ELF2: variants seen among roughly 807,000 people sequenced by gnomAD.
ELF2 encodes the protein E74 like ETS transcription factor 2, also known as ETS-related transcription factor Elf-2.
ELF2 carries 11 observed loss-of-function variants against 54.8 expected under a neutral mutation model. The ratio of observed to expected loss-of-function variants is 0.20; its 90% CI spans 0.13 to 0.33. The LOEUF (loss-of-function observed/expected upper bound fraction) is 0.33. Ranked by LOEUF, ELF2 falls within the 10% of genes least tolerant of loss-of-function variation. ELF2 has a pLI of 1.00. For missense variants in ELF2, 513 were observed against 703.0 expected, an observed-to-expected ratio of 0.73 and a Z score of 3.06; for synonymous variants, 203 against 245.1, an observed-to-expected ratio of 0.83 and a Z score of 1.61.
At chr4:139,108,107 G>C (rs1034162816) in intron 4 of ELF2, among the ~76,000 whole-genome samples, 2 of 152,142 alleles carry the variant, frequency 1.3e-5, no homozygotes, top group East Asian at 3.8e-4. Flanking sequence ...TCGATGATAG[G>C]CTGTCATTAA....
At chr4:139,176,897 G>C (rs939963469) in intron 1 of ELF2, 70 bp downstream of exon 1, 1 of 151,374 alleles carries the variant, frequency 6.6e-6, no homozygotes, top group African/African-American at 2.4e-5. Flanking sequence ...GGCGGCAGTC[G>C]GGACAGCCAG....
In ELF2 at chr4:139,058,850, T is replaced by G; in HGVS notation, c.*133A>C. On this transcript the variant is annotated 3_prime_UTR_variant, in exon 10 of 10. Coordinates refer to ENST00000686138, the MANE Select transcript of ELF2 (RefSeq NM_001331036.3). ...CATGGGATAGGTAATTTATTTCCAG[T>G]AAGTCTGATTGTTTTTGTATATGCA... 7.9e-7 allele frequency: 1 copy of G among 1,269,694 alleles called. No homozygotes were observed. The highest frequency in any genetic ancestry group is 1.6e-5 in the South Asian group (1 of 62,290). 78.7% of individuals were successfully genotyped at this position (1,269,694 alleles called of 1,614,324 possible). A position where few individuals can be genotyped will look rare whatever the true frequency, so the allele number is the denominator to read the frequency against.
At chr4:139,074,725 A>C (rs910723598) in intron 4 of ELF2, among the ~76,000 whole-genome samples, 2 of 149,830 alleles carry the variant, frequency 1.3e-5, no homozygotes, top group African/African-American at 4.9e-5. Flanking sequence ...ACACCATTGC[A>C]CTCCAGCCTG....
intron 3 of ELF2, among the ~76,000 whole-genome samples, chr4:139,132,952 C>G (rs1170835878): frequency 1.3e-5 from 2 of 149,392 alleles, no homozygotes; most frequent in Non-Finnish European, 3.0e-5. Flanking sequence ...AGTGCAGTGG[C>G]GCAATCTCTG....
At chr4:139,067,172 T>C (rs1728827954) in intron 7 of ELF2, 1 of 151,136 alleles carries the variant, frequency 6.6e-6, no homozygotes, top group Non-Finnish European at 1.5e-5. Context: ...GTGCCTGTGG[T>C]CCCAGCAACT....
At chr4:139,134,092 T>A (rs969579030) in intron 3 of ELF2, among the ~76,000 whole-genome samples, 2 of 152,232 alleles carry the variant, frequency 1.3e-5, no homozygotes, top group South Asian at 4.1e-4. Context: ...ATGTTGGCTG[T>A]GGGTTTTTCA....
chr4:139,177,647 G>T (rs531632126), upstream of ELF2, among the ~76,000 whole-genome samples: 1 of 152,154 alleles, frequency 6.6e-6, no homozygotes, highest in Admixed American at 6.5e-5. Flanking sequence ...TGCCGCACGG[G>T]GCAGGCGTGT....
chr4:139,090,385 T>C (rs1401954830), intron 4 of ELF2, among the ~76,000 whole-genome samples: 7 of 152,196 alleles, frequency 4.6e-5, no homozygotes, highest in African/African-American at 1.7e-4. Context: ...AATTTTTCAT[T>C]GTTGTATTAA....
chr4:139,067,442 TC>T (rs1728869971), intron 7 of ELF2: 1 of 439,836 alleles, frequency 2.3e-6, no homozygotes, highest in Admixed American at 3.4e-5. Flanking sequence ...TTGGACTTTT[TC>T]CAAGTCCCTA....
At chr4:139,145,735 C>G (rs1030183784) in intron 1 of ELF2, among the ~76,000 whole-genome samples, 7 of 152,094 alleles carry the variant, frequency 4.6e-5, no homozygotes, top group Non-Finnish European at 7.4e-5. Context: ...GATGGTTTAA[C>G]ATATGCAAGT....
intron 1 of ELF2, among the ~76,000 whole-genome samples, chr4:139,173,619 G>A (rs948667792): frequency 4.0e-5 from 6 of 151,458 alleles, no homozygotes; most frequent in African/African-American, 9.7e-5. Context: ...TTAGCCGGGC[G>A]TGGTGGCACG....
chr4:139,063,793 A>G (rs922809265), intron 7 of ELF2, among the ~76,000 whole-genome samples: 1 of 152,190 alleles, frequency 6.6e-6, no homozygotes, highest in African/African-American at 2.4e-5. Context: ...CTGGGAGGCC[A>G]TCATGAAGTC....
At chr4:139,170,611 T>C (rs759746737) in intron 1 of ELF2, among the ~76,000 whole-genome samples, 3 of 151,348 alleles carry the variant, frequency 2.0e-5, no homozygotes, top group Non-Finnish European at 4.4e-5. Context: ...TAAAGAAATA[T>C]TGGCAGATCA....
At chr4:139,174,599 CA>C (rs58185505) in intron 1 of ELF2, among the ~76,000 whole-genome samples, 6 of 151,064 alleles carry the variant, frequency 4.0e-5, no homozygotes, top group South Asian at 4.2e-4. Context: ...AGAAACTACT[CA>C]AAAAAAAATT....
chr4:139,171,801 G>A (rs759700257), intron 1 of ELF2, among the ~76,000 whole-genome samples: 85 of 152,090 alleles, frequency 5.6e-4, no homozygotes, highest in Non-Finnish European at 1.1e-3. Context: ...GTGCTCGGCT[G>A]TAATCCCAGC....
chr4:139,156,188 C>A (rs908795025), intron 1 of ELF2, among the ~76,000 whole-genome samples: 1 of 150,994 alleles, frequency 6.6e-6, no homozygotes, highest in African/African-American at 2.4e-5. Context: ...GCGGGGGAGT[C>A]GTCGGGGGAC....
At chr4:139,112,284 A>C (rs1162602835) in intron 4 of ELF2, among the ~76,000 whole-genome samples, 2 of 152,228 alleles carry the variant, frequency 1.3e-5, no homozygotes, top group African/African-American at 4.8e-5. Context: ...ATCCTCAGGA[A>C]GGCATTCTCC....
At chr4:139,075,087 T>TA (rs1177846681) in intron 4 of ELF2, among the ~76,000 whole-genome samples, 2 of 152,240 alleles carry the variant, frequency 1.3e-5, no homozygotes, top group African/African-American at 2.4e-5. Flanking sequence ...GACTTTTTCT[T>TA]AGAGTTTATT....
intron 4 of ELF2, chr4:139,114,831 C>A (rs1470541909): frequency 1.3e-6 from 2 of 1,578,810 alleles, no homozygotes; most frequent in Non-Finnish European, 1.7e-6. Flanking sequence ...GCTCATGGCA[C>A]CAGGCCTGGC....
Sources: allele counts gnomAD v4.1 joint callset (sites outside exome capture counted in the v4.1 genomes callset), GRCh38; gene constraint gnomAD v4.1.1; transcripts MANE v1.5; gene names NCBI Gene and HGNC (gene_info 2026-07-23, HGNC 2026-07-21).